ARHGAP15: variants seen among roughly 807,000 people sequenced by gnomAD.
ARHGAP15 encodes Rho GTPase activating protein 15, also known as rho GTPase-activating protein 15.
A neutral mutation model predicts 63.7 loss-of-function variants in ARHGAP15; 51 were observed. The ratio of observed to expected loss-of-function variants is 0.80; its 90% CI spans 0.64 to 1.01. ARHGAP15 has a LOEUF of 1.01. Ranked by LOEUF, ARHGAP15 falls within the 50% of genes least tolerant of loss-of-function variation. The probability of loss-of-function intolerance (pLI) is 0.00; values close to 1 mark genes in which losing one functional copy is unlikely to be tolerated. For synonymous variants in ARHGAP15, 191 were observed against 193.8 expected, an observed-to-expected ratio of 0.99 and a Z score of 0.12; for missense variants, 560 against 564.6, an observed-to-expected ratio of 0.99 and a Z score of 0.08.
rs188931854 is a variant in ARHGAP15, at chr2:143,180,804, G to T, written c.166-21330G>T. ...TTGTCCTGCCTCAGCCTCCCGAGTA[G>T]CTGGGACTACAGGCGCCCACCAACA... On this transcript the variant is annotated intron_variant, in intron 2 of 13. Transcript: ENST00000295095. Among the ~76,000 whole-genome samples the T allele has an allele frequency of 8.7e-4, 132 of 152,096 alleles. 1 individual carries two copies. Among genetic ancestry groups the T allele is most frequent in the Non-Finnish European group, 1.6e-3 (111 of 67,990 alleles).
intron 8 of ARHGAP15, among the ~76,000 whole-genome samples, chr2:143,445,540 A>G (rs1690096752): frequency 6.6e-6 from 1 of 151,346 alleles, no homozygotes; most frequent in African/African-American, 2.5e-5. Flanking sequence ...TAGAAAGCTC[A>G]TTATGATCTG....
intron 2 of ARHGAP15, among the ~76,000 whole-genome samples, chr2:143,188,973 A>G (rs1691562914): frequency 6.6e-6 from 1 of 151,006 alleles, no homozygotes; most frequent in South Asian, 2.1e-4. Flanking sequence ...CAAATCCTTC[A>G]TTTTGCCTAA....
chr2:143,688,769 G>A (rs1683462219), intron 12 of ARHGAP15, among the ~76,000 whole-genome samples: 1 of 152,106 alleles, frequency 6.6e-6, no homozygotes. Context: ...AAATTCAAAA[G>A]ATACTGCCTT....
At chr2:143,541,470 C>T (rs184840623) in intron 10 of ARHGAP15, among the ~76,000 whole-genome samples, 21 of 152,256 alleles carry the variant, frequency 1.4e-4, no homozygotes, top group East Asian at 3.9e-4. Context: ...TTAGAGTTTC[C>T]GGTTTTTCAG....
intron 6 of ARHGAP15, among the ~76,000 whole-genome samples, chr2:143,423,728 A>C (rs991083712): frequency 6.6e-6 from 1 of 152,162 alleles, no homozygotes; most frequent in African/African-American, 2.4e-5. Flanking sequence ...GAAATCAAAT[A>C]ATAACATAAT....
At chr2:143,423,357 A>G (rs142813964) in intron 6 of ARHGAP15, among the ~76,000 whole-genome samples, 6 of 152,142 alleles carry the variant, frequency 3.9e-5, no homozygotes, top group Admixed American at 2.6e-4. Context: ...TCTACATTTC[A>G]TAAGCCTTTC....
At chr2:143,601,489 C>G (rs142784134) in intron 11 of ARHGAP15, 128 of 152,226 alleles carry the variant, frequency 8.4e-4, no homozygotes, top group African/African-American at 3.0e-3. Context: ...CAGAATCTGC[C>G]TAGCTACACA....
intron 6 of ARHGAP15, among the ~76,000 whole-genome samples, chr2:143,291,317 C>G (rs116832462): frequency 0.016 from 2,449 of 152,164 alleles, 32 homozygotes; most frequent in Non-Finnish European, 0.026. Context: ...ACATTAGACA[C>G]TACCTGTCCC....
chr2:143,716,148 A>C (rs1684802749), intron 13 of ARHGAP15, among the ~76,000 whole-genome samples: 1 of 152,202 alleles, frequency 6.6e-6, no homozygotes, highest in Non-Finnish European at 1.5e-5. Flanking sequence ...AAACCGGCAC[A>C]TCCTGCATAG....
At chr2:143,440,271 T>G (rs1251494163) in intron 8 of ARHGAP15, among the ~76,000 whole-genome samples, 1 of 152,222 alleles carries the variant, frequency 6.6e-6, no homozygotes, top group Admixed American at 6.5e-5. Context: ...ATACCCTGTG[T>G]GAAACCCCTC....
chr2:143,209,807 G>A (rs542857187), intron 3 of ARHGAP15, among the ~76,000 whole-genome samples: 4 of 152,260 alleles, frequency 2.6e-5, no homozygotes, highest in Non-Finnish European at 5.9e-5. Context: ...AAAGAGTCAC[G>A]GGTTTTGAGG....
chr2:143,746,581 T>A (rs1199164292), intron 13 of ARHGAP15, among the ~76,000 whole-genome samples: 1 of 152,188 alleles, frequency 6.6e-6, no homozygotes, highest in African/African-American at 2.4e-5. Context: ...ACAAAAACTA[T>A]TTGTAATAAG....
intron 6 of ARHGAP15, among the ~76,000 whole-genome samples, chr2:143,278,762 C>T (rs1048665792): frequency 2.6e-5 from 4 of 151,980 alleles, no homozygotes; most frequent in African/African-American, 9.7e-5. Flanking sequence ...ATAAAAATAA[C>T]TTCTGGCCTC....
At chr2:143,662,288 A>AC (rs1238860723) in intron 12 of ARHGAP15, among the ~76,000 whole-genome samples, 3 of 149,038 alleles carry the variant, frequency 2.0e-5, no homozygotes, top group South Asian at 2.2e-4. Flanking sequence ...ACTGGGAGGC[A>AC]CCCCCCAGCA....
intron 12 of ARHGAP15, among the ~76,000 whole-genome samples, chr2:143,659,459 G>T (rs1681632292): frequency 6.6e-6 from 1 of 152,142 alleles, no homozygotes; most frequent in Non-Finnish European, 1.5e-5. Flanking sequence ...ATGGTAGTTT[G>T]TGTGATATTC....
At chr2:143,680,021 TAAAAAAAAAAAAAAAA>T (rs55927433) in intron 12 of ARHGAP15, among the ~76,000 whole-genome samples, 16 of 101,594 alleles carry the variant, frequency 1.6e-4, no homozygotes, top group East Asian at 1.0e-3. Context: ...AGTAAATGAT[TAAAAAAAAAAAAAAAA>T]AAAAAAAAAA....
chr2:143,446,242 C>T (rs148829384), intron 8 of ARHGAP15, among the ~76,000 whole-genome samples: 234 of 151,160 alleles, frequency 1.5e-3, no homozygotes, highest in African/African-American at 5.6e-3. Context: ...TATAGTGGAT[C>T]TAAAATATAT....
intron 8 of ARHGAP15, among the ~76,000 whole-genome samples, chr2:143,471,173 AAT>A (rs779836538): frequency 3.4e-5 from 5 of 145,466 alleles, no homozygotes; most frequent in African/African-American, 8.0e-5. Context: ...AGAGGATATG[AAT>A]ATGTGTGTGT....
At chr2:143,184,920 C>G (rs910882424) in intron 2 of ARHGAP15, among the ~76,000 whole-genome samples, 2 of 151,070 alleles carry the variant, frequency 1.3e-5, no homozygotes, top group African/African-American at 4.9e-5. Flanking sequence ...TGACCTCAAT[C>G]AATCTTCCCT....
Sources: allele counts gnomAD v4.1 joint callset (sites outside exome capture counted in the v4.1 genomes callset), GRCh38; gene constraint gnomAD v4.1.1; transcripts MANE v1.5; gene names NCBI Gene and HGNC (gene_info 2026-07-23, HGNC 2026-07-21).